Variants in IRGM observed in about 807,000 individuals in gnomAD.
The protein encoded by IRGM is immunity related GTPase M, also known as immunity-related GTPase family M protein.
For missense variants in IRGM, 288 were observed against 219.9 expected (o/e 1.31, Z -1.96); for synonymous variants, 98 against 80.6 (o/e 1.22, Z -1.16).
At chr5:150,880,192 G>C (rs561079528) in intron 3 of IRGM, among the ~76,000 whole-genome samples, 2 of 152,284 alleles carry the variant, frequency 1.3e-5, no homozygotes, top group South Asian at 4.1e-4. Context: ...AATTGTGGGA[G>C]ATATGAACAG....
chr5:150,847,511 CG>C (rs1366211647), intron 1 of IRGM, 197 bp from the exon 2 acceptor site: 4 of 152,634 alleles, frequency 2.6e-5, no homozygotes, highest in African/African-American at 9.7e-5. Context: ...GAGGCACAAC[CG>C]GCCTCAGGGC....
chr5:150,893,244 A>G (rs1754644961), intron 3 of IRGM, among the ~76,000 whole-genome samples: 2 of 152,124 alleles, frequency 1.3e-5, no homozygotes, highest in Admixed American at 6.5e-5. Flanking sequence ...TCATAATTCA[A>G]GTGTCTACAG....
At chr5:150,867,866 T>A (rs11948708) in intron 1 of IRGM, among the ~76,000 whole-genome samples, 4,310 of 152,116 alleles carry the variant, frequency 0.028, 150 homozygotes, top group South Asian at 0.075. Context: ...TTTAGTTCCT[T>A]GTAGATTCTG....
At chr5:150,868,569 G>T (rs927567931) in intron 1 of IRGM, among the ~76,000 whole-genome samples, 2 of 152,080 alleles carry the variant, frequency 1.3e-5, no homozygotes, top group Non-Finnish European at 2.9e-5. Flanking sequence ...TGGCAGTAAG[G>T]TCATTTTCAC....
chr5:150,853,020 C>G (rs1312789442), downstream of IRGM, among the ~76,000 whole-genome samples: 2 of 151,926 alleles, frequency 1.3e-5, no homozygotes, highest in Non-Finnish European at 2.9e-5. Context: ...CTTCTAGTGC[C>G]TTAAAACATA....
rs775322249 is a variant in IRGM, at chr5:150,896,630, A to C, written c.*141-3959A>C. On this transcript the variant is annotated intron_variant and NMD_transcript_variant, in intron 3 of 3. Transcript: ENST00000520549. ...GTTTTTTTCTTGAATTGCTCTTATA[A>C]CAACTCGGTAGGTCAATATTTGGTT... is the stretch of plus-strand genomic sequence containing the variant. 4 of 1,613,498 alleles carry C rather than the reference A, an allele frequency of 2.5e-6. No individual in the cohort carries two copies. In the African/African-American group the frequency reaches 4.0e-5, roughly 16 times the overall value.
intron 1 of IRGM, among the ~76,000 whole-genome samples, chr5:150,854,968 G>GA (rs1754031045): frequency 6.6e-6 from 1 of 152,058 alleles, no homozygotes; most frequent in Non-Finnish European, 1.5e-5. Flanking sequence ...TTCTTAATGG[G>GA]AATTTACTTG....
chr5:150,890,767 A>C (rs933387617), intron 3 of IRGM, among the ~76,000 whole-genome samples: 9 of 152,070 alleles, frequency 5.9e-5, no homozygotes, highest in African/African-American at 2.2e-4. Flanking sequence ...TATTTTCCAC[A>C]TATTTTCATG....
At chr5:150,877,506 G>A (rs1385934647) in intron 1 of IRGM, among the ~76,000 whole-genome samples, 1 of 152,104 alleles carries the variant, frequency 6.6e-6, no homozygotes, top group Non-Finnish European at 1.5e-5. Flanking sequence ...GCCTACTGTG[G>A]CACCTCACCT....
intron 1 of IRGM, among the ~76,000 whole-genome samples, chr5:150,860,796 G>T (rs1754125075): frequency 6.6e-6 from 1 of 152,180 alleles, no homozygotes; most frequent in South Asian, 2.1e-4. Flanking sequence ...CGGGGTCTGT[G>T]CTACCTGCCT....
chr5:150,860,773 T>G (rs551391060), intron 1 of IRGM, among the ~76,000 whole-genome samples: 1 of 152,330 alleles, frequency 6.6e-6, no homozygotes, highest in African/African-American at 2.4e-5. Flanking sequence ...ACACAGCTAC[T>G]AGGCTGATTG....
chr5:150,858,676 C>T (rs534008681), intron 1 of IRGM, among the ~76,000 whole-genome samples: 2 of 151,816 alleles, frequency 1.3e-5, no homozygotes, highest in Non-Finnish European at 2.9e-5. Context: ...GTATTTTATT[C>T]TCTTTGAAGC....
At chr5:150,847,462 C>T (rs751618414) in intron 1 of IRGM, 3 of 152,402 alleles carry the variant, frequency 2.0e-5, no homozygotes, top group African/African-American at 7.2e-5. Context: ...GCTTTTCAAG[C>T]CATCTCATGG....
At chr5:150,890,730 A>G (rs7714415) in intron 3 of IRGM, among the ~76,000 whole-genome samples, 32,737 of 151,906 alleles carry the variant, frequency 0.22, 5,796 homozygotes, top group African/African-American at 0.47. Flanking sequence ...TTATTTAGAA[A>G]TGTGTTATTA....
intron 3 of IRGM, among the ~76,000 whole-genome samples, chr5:150,889,543 A>G (rs1173270265): frequency 6.6e-6 from 1 of 152,072 alleles, no homozygotes; most frequent in African/African-American, 2.4e-5. Flanking sequence ...TATCATCTGC[A>G]AATAGAGTTT....
chr5:150,864,379 C>T (rs1277558722), intron 1 of IRGM, among the ~76,000 whole-genome samples: 3 of 152,152 alleles, frequency 2.0e-5, no homozygotes, highest in Non-Finnish European at 4.4e-5. Flanking sequence ...AGTTTTTCTT[C>T]TATGTAGATT....
At chr5:150,860,443 A>G (rs1401079578) in intron 1 of IRGM, among the ~76,000 whole-genome samples, 1 of 152,244 alleles carries the variant, frequency 6.6e-6, no homozygotes, top group Non-Finnish European at 1.5e-5. Flanking sequence ...TCAAAACTGG[A>G]CATTCTGAAC....
At chr5:150,880,352 G>GA in intron 3 of IRGM, among the ~76,000 whole-genome samples, 1 of 152,142 alleles carries the variant, frequency 6.6e-6, no homozygotes, top group South Asian at 2.1e-4. Flanking sequence ...TAAGGCACCT[G>GA]AAAAATTGTA....
chr5:150,889,691 T>TG (rs1754578843), intron 3 of IRGM, among the ~76,000 whole-genome samples: 1 of 152,102 alleles, frequency 6.6e-6, no homozygotes, highest in Non-Finnish European at 1.5e-5. Flanking sequence ...AGTCTTTCAC[T>TG]ATATGATATT....
Sources: gnomAD v4.1 joint callset for allele counts (sites outside exome capture counted in the v4.1 genomes callset) on GRCh38, gnomAD v4.1.1 for gene constraint, MANE v1.5 for transcripts, NCBI Gene and HGNC (gene_info 2026-07-23, HGNC 2026-07-21) for gene names.